DNAH9: variants seen among roughly 807,000 people sequenced by gnomAD.
The protein encoded by DNAH9 is dynein axonemal heavy chain 9.
In DNAH9, 345 loss-of-function variants were observed where a neutral mutation model predicts 471.6. The ratio of observed to expected loss-of-function variants is 0.73; its 90% confidence interval spans 0.67 to 0.80. DNAH9 has a LOEUF of 0.80. DNAH9 is among the 30% of genes least tolerant of loss of function. The probability of loss-of-function intolerance (pLI) is 0.00; values close to 1 mark genes in which losing one functional copy is unlikely to be tolerated. For synonymous variants in DNAH9, 2,093 were observed against 2,123.6 expected, an observed-to-expected ratio of 0.99 and a Z score of 0.40; for missense variants, 5,407 against 5,609.2, an observed-to-expected ratio of 0.96 and a Z score of 1.15.
At chr17:11,883,229 G>C in intron 55 of DNAH9, 1 of 1,013,670 alleles carries the variant, frequency 9.9e-7, no homozygotes, top group Non-Finnish European at 1.2e-6. Context: ...GAACTCTCCA[G>C]AGAACTAAAA....
chr17:11,810,801 T>C (rs1439813360), intron 45 of DNAH9, among the ~76,000 whole-genome samples: 2 of 152,150 alleles, frequency 1.3e-5, no homozygotes, highest in South Asian at 2.1e-4. Context: ...ACTTACACAG[T>C]AGGGCAAGAT....
At chr17:11,664,278 AGAGAGAGAGAGT>A (rs1230547855) in intron 14 of DNAH9, among the ~76,000 whole-genome samples, 2 of 151,624 alleles carry the variant, frequency 1.3e-5, no homozygotes, top group Admixed American at 6.6e-5. Flanking sequence ...GAGGGGAGAG[AGAGAGAGAGAGT>A]GAGAGAGAGA....
At chr17:11,781,980 G>C (rs544213290) in intron 39 of DNAH9, among the ~76,000 whole-genome samples, 2 of 149,446 alleles carry the variant, frequency 1.3e-5, no homozygotes, top group South Asian at 4.3e-4. Flanking sequence ...GCAAAAGTCT[G>C]AACTTACTAG....
chr17:11,620,146 C>G (rs938424711), intron 6 of DNAH9, among the ~76,000 whole-genome samples: 40 of 150,928 alleles, frequency 2.7e-4, no homozygotes, highest in Non-Finnish European at 1.8e-4. Context: ...GCATAGGAGG[C>G]AGAGGTTGCA....
intron 67 of DNAH9, 140 bp downstream of exon 67, chr17:11,942,625 C>A: frequency 1.2e-6 from 1 of 818,872 alleles, no homozygotes; most frequent in Non-Finnish European, 1.8e-6. Context: ...AAAGTCATCA[C>A]TCCCCAGAAA....
intron 59 of DNAH9, among the ~76,000 whole-genome samples, chr17:11,896,054 A>G (rs1455700004): frequency 6.6e-6 from 1 of 152,152 alleles, no homozygotes; most frequent in Non-Finnish European, 1.5e-5. Context: ...CTTTTTCTGC[A>G]AAGGGCCACT....
chr17:11,956,926 A>T (rs1462368264), intron 67 of DNAH9, among the ~76,000 whole-genome samples: 1 of 151,766 alleles, frequency 6.6e-6, no homozygotes, highest in Non-Finnish European at 1.5e-5. Flanking sequence ...AATAATAAAG[A>T]GTAGAATTAA....
chr17:11,747,484 G>A (rs1966929340), intron 31 of DNAH9, 72 bp from the exon 32 acceptor site: 1 of 1,236,294 alleles, frequency 8.1e-7, no homozygotes, highest in Admixed American at 1.8e-5. Flanking sequence ...ACCAGCTGGG[G>A]TCACAGAAGA....
intron 26 of DNAH9, among the ~76,000 whole-genome samples, chr17:11,719,020 C>T (rs558722013): frequency 1.3e-5 from 2 of 152,120 alleles, no homozygotes; most frequent in East Asian, 1.9e-4. Flanking sequence ...GGCAGATGAA[C>T]GGAGCTCTAT....
chr17:11,838,092 A>G (rs1161252703), intron 49 of DNAH9, among the ~76,000 whole-genome samples: 1 of 152,234 alleles, frequency 6.6e-6, no homozygotes, highest in Non-Finnish European at 1.5e-5. Flanking sequence ...TGCATACTGA[A>G]TGTTAATTTA....
chr17:11,803,875 T>G (rs1365278125), intron 43 of DNAH9, among the ~76,000 whole-genome samples: 1 of 152,152 alleles, frequency 6.6e-6, no homozygotes, highest in East Asian at 1.9e-4. Context: ...CCCCAACTTT[T>G]CTGAATCAGG....
chr17:11,690,486 A>C (rs768412943), intron 20 of DNAH9, 50 bp downstream of exon 20: 2 of 1,535,540 alleles, frequency 1.3e-6, no homozygotes, highest in Non-Finnish European at 1.8e-6. Flanking sequence ...TCCAGGGTGA[A>C]GGGAAGGTCA....
chr17:11,669,157 A>T lies in DNAH9; in HGVS notation c.2825A>T (p.Lys942Met). The change falls in exon 16 of 69, where the codon AAG (lysine) becomes ATG (methionine). Residue 942 changes from lysine (K) to methionine (M), a missense_variant. By Grantham distance (95) the Lys-to-Met change is moderately conservative. This residue lies in a region of DNAH9 where 4,636 missense variants were observed against 4,900.3 expected (regional missense o/e 0.95). Transcript: ENST00000262442. ...TATCCGTCTCTGGAGTCTGGAGTGA[A>T]GGGGGGTTTCTGTGACATTGTTGAG... ...VFYPSLESGV[K>M]GGFCDIVEGL... The T allele has an allele frequency of 5.0e-6, 8 of 1,613,768 alleles. No homozygotes were observed. The highest frequency in any genetic ancestry group is 6.8e-6 in the Non-Finnish European group (8 of 1,179,732).
intron 30 of DNAH9, among the ~76,000 whole-genome samples, chr17:11,744,257 TC>T (rs748684114): frequency 7.9e-4 from 120 of 152,256 alleles, no homozygotes; most frequent in Non-Finnish European, 1.6e-4. Flanking sequence ...TACAGCTCCT[TC>T]CCACACCATG....
intron 26 of DNAH9, among the ~76,000 whole-genome samples, chr17:11,713,297 C>T (rs2074905277): frequency 1.3e-5 from 2 of 152,102 alleles, no homozygotes; most frequent in South Asian, 4.2e-4. Flanking sequence ...TTTATCAAAT[C>T]TGTCATTAAT....
intron 14 of DNAH9, among the ~76,000 whole-genome samples, chr17:11,658,467 A>G (rs1427432116): frequency 6.6e-6 from 1 of 151,984 alleles, no homozygotes; most frequent in Admixed American, 6.6e-5. Flanking sequence ...AGACAATATT[A>G]CCTCTTTATT....
chr17:11,742,070 C>T (rs2075440855), intron 29 of DNAH9, 105 bp from the exon 30 acceptor site: 1 of 1,007,768 alleles, frequency 9.9e-7, no homozygotes, highest in South Asian at 1.6e-5. Flanking sequence ...TTTGCACTCA[C>T]AGATGCCTCC....
At chr17:11,608,509 C>G (rs1275287016) in intron 2 of DNAH9, among the ~76,000 whole-genome samples, 184 bp downstream of exon 2, 1 of 152,222 alleles carries the variant, frequency 6.6e-6, no homozygotes, top group Non-Finnish European at 1.5e-5. Context: ...CCTGGTTACT[C>G]CCTGGCCCAG....
intron 49 of DNAH9, among the ~76,000 whole-genome samples, chr17:11,839,548 A>G (rs1970961487): frequency 6.6e-6 from 1 of 151,950 alleles, no homozygotes; most frequent in Non-Finnish European, 1.5e-5. Flanking sequence ...CTCAAATAGT[A>G]TAGAATATAT....
Sources: gnomAD v4.1 joint callset for allele counts (sites outside exome capture counted in the v4.1 genomes callset) on GRCh38, gnomAD v4.1.1 for gene constraint, gnomAD v4.1.1 regional missense constraint, MANE v1.5 for transcripts, NCBI Gene and HGNC (gene_info 2026-07-23, HGNC 2026-07-21) for gene names.